Variants in AOPEP observed in about 807,000 individuals in gnomAD.
AOPEP encodes aminopeptidase O (putative), also known as aminopeptidase O.
Under a neutral mutation model 98.1 loss-of-function variants are expected in AOPEP, and 77 were observed. The ratio of observed to expected loss-of-function variants is 0.78; its 90% CI spans 0.65 to 0.95. The LOEUF is 0.95. Among genes scored for constraint, AOPEP ranks in the 40% least tolerant of loss-of-function variants. The pLI is 0.00. For missense variants in AOPEP, 1,024 were observed against 1,024.7 expected, an observed-to-expected ratio of 1.00 and a Z score of 0.01; for synonymous variants, 346 against 365.3, an observed-to-expected ratio of 0.95 and a Z score of 0.60.
chr9:94,912,044 C>G (rs1430916511), intron 5 of AOPEP, among the ~76,000 whole-genome samples: 2 of 152,162 alleles, frequency 1.3e-5, no homozygotes, highest in Non-Finnish European at 2.9e-5. Flanking sequence ...GATTTCAGCC[C>G]AGTGAGACCT....
intron 13 of AOPEP, chr9:95,005,853 C>T (rs2061972199): frequency 1.7e-6 from 1 of 584,964 alleles, no homozygotes; most frequent in African/African-American, 1.9e-5. Flanking sequence ...TCATTAAATA[C>T]AGCAATCGGA....
chr9:94,869,498 T>C (rs1274514849), intron 5 of AOPEP, among the ~76,000 whole-genome samples: 4 of 152,186 alleles, frequency 2.6e-5, no homozygotes, highest in African/African-American at 9.7e-5. Context: ...TTGTATTGAG[T>C]TTCCACTCAG....
chr9:95,099,870 A>G, the AOPEP span: 4 of 232,462 alleles, frequency 1.7e-5, no homozygotes, highest in Middle Eastern at 1.2e-3. Flanking sequence ...TCCCAGGAGA[A>G]GGAAGGAAGG....
chr9:95,135,384 G>C, the AOPEP span: 2 of 1,614,034 alleles, frequency 1.2e-6, no homozygotes, highest in Non-Finnish European at 8.5e-7. Context: ...ATCCTTCTCA[G>C]ACAATTTCTC....
At chr9:95,089,218 G>A (rs1015212066), downstream of AOPEP, among the ~76,000 whole-genome samples, 10 of 152,334 alleles carry the variant, frequency 6.6e-5, no homozygotes, top group African/African-American at 1.9e-4. Flanking sequence ...AGCAAACCGG[G>A]GTCTCGGGGT....
the AOPEP span, chr9:95,135,568 AGT>A: frequency 7.0e-7 from 1 of 1,437,308 alleles, no homozygotes; most frequent in Non-Finnish European, 9.7e-7. Context: ...GATTAAAAAA[AGT>A]TCAAAATGCA....
At chr9:94,967,908 C>A in intron 10 of AOPEP, 107 bp downstream of exon 10, 1 of 925,646 alleles carries the variant, frequency 1.1e-6, no homozygotes, top group Non-Finnish European at 1.8e-6. Context: ...GTCTTTCTGT[C>A]TAATAGAGGC....
chr9:95,044,130 A>G (rs2065611400), intron 13 of AOPEP, among the ~76,000 whole-genome samples: 1 of 152,236 alleles, frequency 6.6e-6, no homozygotes, highest in African/African-American at 2.4e-5. Flanking sequence ...TTAAGCTGTC[A>G]ACAGCTTCCT....
At chr9:95,095,581 A>G in the AOPEP span, among the ~76,000 whole-genome samples, 1 of 152,100 alleles carries the variant, frequency 6.6e-6, no homozygotes, top group Admixed American at 6.5e-5. Context: ...TGATTTCTGT[A>G]TGGCCAGTTT....
chr9:94,900,018 T>C (rs1192787215), intron 5 of AOPEP, among the ~76,000 whole-genome samples: 1 of 152,184 alleles, frequency 6.6e-6, no homozygotes, highest in Non-Finnish European at 1.5e-5. Flanking sequence ...CTGTGAGTCA[T>C]AGTTCATGGA....
intron 13 of AOPEP, among the ~76,000 whole-genome samples, chr9:95,039,343 G>C (rs1210350874): frequency 1.3e-5 from 2 of 152,142 alleles, no homozygotes. Flanking sequence ...GAGGCGGGCA[G>C]ATCACTTGAG....
intron 14 of AOPEP, among the ~76,000 whole-genome samples, chr9:95,069,397 A>C (rs1480408579): frequency 6.6e-6 from 1 of 152,116 alleles, no homozygotes; most frequent in Non-Finnish European, 1.5e-5. Flanking sequence ...CATGTCAATA[A>C]ATTGAAGAAA....
At chr9:95,004,164 G>A in intron 11 of AOPEP, 3 of 454,298 alleles carry the variant, frequency 6.6e-6, no homozygotes, top group Non-Finnish European at 1.3e-5. Flanking sequence ...CAAGCAACAG[G>A]ACAACCCGAC....
intron 5 of AOPEP, among the ~76,000 whole-genome samples, chr9:94,856,392 A>T (rs1427024849): frequency 6.6e-6 from 1 of 152,228 alleles, no homozygotes; most frequent in African/African-American, 2.4e-5. Flanking sequence ...CTGTAATCCC[A>T]GCACTTTAGG....
At chr9:94,803,708 G>A (rs1053803447) in intron 5 of AOPEP, among the ~76,000 whole-genome samples, 3 of 152,176 alleles carry the variant, frequency 2.0e-5, no homozygotes, top group South Asian at 2.1e-4. Flanking sequence ...CATGATTTTT[G>A]TCACCTTTTA....
chr9:94,815,860 C>G (rs1851597167), intron 5 of AOPEP, among the ~76,000 whole-genome samples: 2 of 152,244 alleles, frequency 1.3e-5, no homozygotes, highest in South Asian at 2.1e-4. Context: ...CTTTTCAGCC[C>G]TGTCCCTATT....
At chr9:94,812,437 C>G (rs1326158602) in intron 5 of AOPEP, among the ~76,000 whole-genome samples, 1 of 152,164 alleles carries the variant, frequency 6.6e-6, no homozygotes, top group Non-Finnish European at 1.5e-5. Context: ...CACTGTCTCG[C>G]TCCAAGGGAC....
chr9:94,779,308 T>C (rs903491902), intron 3 of AOPEP, among the ~76,000 whole-genome samples: 3 of 152,216 alleles, frequency 2.0e-5, no homozygotes. Context: ...TATAGCAGTG[T>C]GCTTGTGATA....
At chr9:95,081,989 C>T (rs375015256) in intron 15 of AOPEP, among the ~76,000 whole-genome samples, 1 of 151,972 alleles carries the variant, frequency 6.6e-6, no homozygotes, top group Non-Finnish European at 1.5e-5. Context: ...TGAGTGTTTG[C>T]GGCATTGTTC....
Sources: allele counts gnomAD v4.1 joint callset (sites outside exome capture counted in the v4.1 genomes callset), GRCh38; gene constraint gnomAD v4.1.1; transcripts MANE v1.5; gene names NCBI Gene and HGNC (gene_info 2026-07-23, HGNC 2026-07-21).